The following VPS8 variants were observed in gnomAD, a reference collection of about 807,000 sequenced individuals.
VPS8 encodes the protein vacuolar protein sorting-associated protein 8 homolog.
A neutral mutation model predicts 216.4 loss-of-function variants in VPS8; 129 were observed. The observed-to-expected ratio is 0.60, with a 90% CI of 0.52 to 0.69. The LOEUF (loss-of-function observed/expected upper bound fraction) is 0.69, where lower values mean the gene tolerates loss of function less well. VPS8 is among the 30% of genes least tolerant of loss of function. VPS8 has a pLI of 0.00. For missense variants in VPS8, 1,531 were observed against 1,683.5 expected (o/e 0.91, Z 1.59); for synonymous variants, 571 against 565.4 (o/e 1.01, Z -0.14).
chr3:184,940,269 AT>A, intron 36 of VPS8, 26 bp downstream of exon 36: 1 of 633,920 alleles, frequency 1.6e-6, no homozygotes, highest in Non-Finnish European at 2.2e-6. Context: ...TTAGTCTTTC[AT>A]TATATATATA....
chr3:184,812,681 T>C (rs989156455), intron 1 of VPS8: 4 of 152,174 alleles, frequency 2.6e-5, no homozygotes, highest in African/African-American at 4.8e-5. Flanking sequence ...CCTCATTCTG[T>C]CCTGTTACAG....
chr3:184,841,226 A>C (rs1174857132), intron 7 of VPS8, among the ~76,000 whole-genome samples: 2 of 152,316 alleles, frequency 1.3e-5, no homozygotes, highest in African/African-American at 4.8e-5. Flanking sequence ...AGTTGAAGAT[A>C]TACCAAATCC....
chr3:185,004,286 C>T (rs1032967831), intron 45 of VPS8, among the ~76,000 whole-genome samples: 4 of 152,202 alleles, frequency 2.6e-5, no homozygotes, highest in Admixed American at 6.5e-5. Context: ...GAGACCAGCC[C>T]GGCCAACACA....
At chr3:184,929,169 T>A (rs952487360) in intron 32 of VPS8, among the ~76,000 whole-genome samples, 1 of 152,170 alleles carries the variant, frequency 6.6e-6, no homozygotes, top group African/African-American at 2.4e-5. Context: ...TATTTAACAA[T>A]AGAAATCACA....
At position 184,832,823 on chromosome 3, in the gene VPS8, G is replaced by T. The variant is rs372107038; in HGVS notation, c.353+4G>T. 5 of 1,604,456 alleles carry T rather than the reference G, an allele frequency of 3.1e-6. No individual in the cohort carries two copies. The highest frequency in any genetic ancestry group is 4.3e-6 in the Non-Finnish European group (5 of 1,175,492). On this transcript the variant is annotated splice_donor_region_variant and intron_variant, in intron 4 of 47. Coordinates refer to ENST00000625842, the MANE Select transcript of VPS8 (RefSeq NM_001009921.3). ...GTGACAGGACCAACTTAAAAAGGTAGGTATTCATGTCAATCATACTTGCTT... is the reference window on the plus strand; with the variant it reads ...GTGACAGGACCAACTTAAAAAGGTATGTATTCATGTCAATCATACTTGCTT...
chr3:185,044,469 C>T (rs150045407), intron 46 of VPS8, among the ~76,000 whole-genome samples: 9 of 152,208 alleles, frequency 5.9e-5, no homozygotes, highest in Middle Eastern at 3.4e-3. Context: ...GGTTATTACA[C>T]GATCGATAAA....
At chr3:184,930,359 C>T in intron 33 of VPS8, 111 bp from the exon 34 acceptor site, 1 of 618,200 alleles carries the variant, frequency 1.6e-6, no homozygotes, top group Non-Finnish European at 2.7e-6. Context: ...TAACTATCTC[C>T]AGATAATTTT....
chr3:184,837,460 T>C (rs1356091983), intron 5 of VPS8, among the ~76,000 whole-genome samples: 1 of 152,220 alleles, frequency 6.6e-6, no homozygotes, highest in Non-Finnish European at 1.5e-5. Context: ...TTTCCCTGTC[T>C]AGATGCAAAT....
chr3:184,949,390 G>A (rs551859600), intron 36 of VPS8, among the ~76,000 whole-genome samples: 1 of 152,298 alleles, frequency 6.6e-6, no homozygotes, highest in South Asian at 2.1e-4. Flanking sequence ...ACAGCCAGCT[G>A]TCTTAGATCT....
At position 184,971,707 on chromosome 3, in the gene VPS8, T is replaced by C. The variant is rs1442930922; in HGVS notation, c.3375T>C (p.Ala1125=). ...AAGATACTATGGTGGAGACCATTGC[T>C]CTTTGCCAGAGAAATTCACATAATT... is the stretch of plus-strand genomic sequence containing the variant. ...DVEDTMVETI[A]LCQRNSHNLN... The change falls in exon 40 of 48, where the codon GCT becomes GCC. Residue 1125 remains alanine (A), a synonymous_variant. Coordinates refer to ENST00000625842, the MANE Select transcript of VPS8 (RefSeq NM_001009921.3). The C allele has an allele frequency of 3.1e-6, 5 of 1,613,582 alleles. No homozygotes were observed. Among genetic ancestry groups the C allele is most frequent in the Non-Finnish European group, 4.2e-6 (5 of 1,179,644 alleles).
intron 40 of VPS8, among the ~76,000 whole-genome samples, chr3:184,979,149 T>G (rs4686474): frequency 0.9 from 137,292 of 152,082 alleles, 62,957 homozygotes; most frequent in Non-Finnish European, 0.98. Context: ...TTTTTTAATG[T>G]TGTGGTCTGG....
intron 22 of VPS8, among the ~76,000 whole-genome samples, chr3:184,891,786 G>A (rs377531405): frequency 9.9e-5 from 15 of 152,262 alleles, no homozygotes; most frequent in African/African-American, 3.1e-4. Context: ...TATTTGGTGG[G>A]AATTTACTTG....
chr3:184,944,607 C>T (rs995992983), intron 36 of VPS8: 12 of 982,678 alleles, frequency 1.2e-5, no homozygotes, highest in Non-Finnish European at 1.5e-5. Flanking sequence ...TATTTATATT[C>T]TGAATATTTT....
At chr3:184,846,843 C>T (rs1463818518) in intron 8 of VPS8, among the ~76,000 whole-genome samples, 1 of 152,204 alleles carries the variant, frequency 6.6e-6, no homozygotes, top group Non-Finnish European at 1.5e-5. Context: ...GTGGAGAATC[C>T]ACTAACTATA....
At chr3:184,820,807 T>TA (rs1007588912) in intron 1 of VPS8, among the ~76,000 whole-genome samples, 8 of 152,098 alleles carry the variant, frequency 5.3e-5, no homozygotes, top group East Asian at 1.9e-4. Context: ...ATGTTGATGT[T>TA]AAAAAAAACC....
intron 45 of VPS8, among the ~76,000 whole-genome samples, chr3:185,015,513 G>C (rs751477469): frequency 1.3e-5 from 2 of 152,076 alleles, no homozygotes; most frequent in Non-Finnish European, 2.9e-5. Flanking sequence ...TGAAGTATAG[G>C]GTGTCTGAAA....
At chr3:184,856,375 T>G (rs1366583422) in intron 14 of VPS8, among the ~76,000 whole-genome samples, 1 of 152,206 alleles carries the variant, frequency 6.6e-6, no homozygotes, top group Admixed American at 6.5e-5. Flanking sequence ...AGAGTATTAA[T>G]GGCTTTATGA....
chr3:184,966,178 G>A (rs1387452530), intron 38 of VPS8, among the ~76,000 whole-genome samples: 1 of 152,134 alleles, frequency 6.6e-6, no homozygotes, highest in Non-Finnish European at 1.5e-5. Context: ...GCAAGAGTGG[G>A]GTTGGGGGAG....
intron 25 of VPS8, among the ~76,000 whole-genome samples, chr3:184,910,884 C>T (rs1736396164): frequency 6.6e-6 from 1 of 152,198 alleles, no homozygotes; most frequent in African/African-American, 2.4e-5. Flanking sequence ...CTCAGCAACT[C>T]TTTGGTATCT....
Sources: gnomAD v4.1 joint callset for allele counts (sites outside exome capture counted in the v4.1 genomes callset) on GRCh38, gnomAD v4.1.1 for gene constraint, MANE v1.5 for transcripts, NCBI Gene and HGNC (gene_info 2026-07-23, HGNC 2026-07-21) for gene names.